LRRTM4: variants seen among roughly 807,000 people sequenced by gnomAD.
The protein encoded by LRRTM4 is leucine rich repeat transmembrane neuronal 4.
A neutral mutation model predicts 47.6 loss-of-function variants in LRRTM4; 25 were observed. That is an observed-to-expected ratio of 0.53 (90% confidence interval 0.38 to 0.73). LRRTM4 has a LOEUF of 0.73. Among genes scored for constraint, LRRTM4 ranks in the 30% least tolerant of loss-of-function variants. LRRTM4 has a pLI of 0.00. For synonymous variants in LRRTM4, 311 were observed against 269.5 expected (o/e 1.15, Z -1.51); for missense variants, 638 against 713.4 (o/e 0.89, Z 1.20).
rs575502384 is a variant in LRRTM4 at position 77,015,658 on chromosome 2, G to C, written c.1552-266742C>G. ...CTTTATAGAAACAACATTGCCACTG[G>C]ATGTATTTTTGAAGTAGGAAATAAA... On this transcript the variant is annotated intron_variant, in intron 3 of 3. Coordinates refer to ENST00000409884, the MANE Select transcript of LRRTM4 (RefSeq NM_001134745.3). 3.7e-5 allele frequency among the ~76,000 whole-genome samples: 5 copies of C among 134,790 alleles called. No homozygotes were observed. In the South Asian group the frequency reaches 8.8e-4, roughly 24 times the overall value. The allele number at this position is 134,790 out of a possible 152,430, so 88.4% of individuals were successfully genotyped here. A position where few individuals can be genotyped will look rare whatever the true frequency, so the allele number is the denominator to read the frequency against.
At chr2:76,891,460 C>G (rs1177887850) in intron 3 of LRRTM4, among the ~76,000 whole-genome samples, 9 of 151,434 alleles carry the variant, frequency 5.9e-5, no homozygotes, top group Non-Finnish European at 1.3e-4. Flanking sequence ...CAGAACTACT[C>G]CTGGATAAGA....
intron 3 of LRRTM4, among the ~76,000 whole-genome samples, chr2:77,161,049 G>C (rs1312997884): frequency 6.6e-6 from 1 of 152,110 alleles, no homozygotes; most frequent in East Asian, 1.9e-4. Flanking sequence ...ACTTCCAGAA[G>C]TTAGATGACC....
intron 3 of LRRTM4, among the ~76,000 whole-genome samples, chr2:77,124,686 A>G (rs936982882): frequency 1.3e-5 from 2 of 152,064 alleles, no homozygotes; most frequent in Non-Finnish European, 2.9e-5. Flanking sequence ...GGGAATAATA[A>G]TATTTTTGAT....
At chr2:76,941,932 G>A (rs17335410) in intron 3 of LRRTM4, among the ~76,000 whole-genome samples, 1 of 152,160 alleles carries the variant, frequency 6.6e-6, no homozygotes, top group East Asian at 1.9e-4. Context: ...CCCACCAACA[G>A]TGTAAAATCA....
intron 3 of LRRTM4, among the ~76,000 whole-genome samples, chr2:76,767,561 A>G (rs140791755): frequency 1.3e-5 from 2 of 152,276 alleles, no homozygotes; most frequent in South Asian, 2.1e-4. Context: ...AAACCACTCT[A>G]TAATATCTAA....
intron 3 of LRRTM4, among the ~76,000 whole-genome samples, chr2:77,031,393 TAAC>T (rs1678651174): frequency 6.6e-6 from 1 of 152,216 alleles, no homozygotes; most frequent in African/African-American, 2.4e-5. Flanking sequence ...TATTTTACTA[TAAC>T]ATCTGAGGTG....
At chr2:77,292,518 T>TA (rs1207003217) in intron 3 of LRRTM4, among the ~76,000 whole-genome samples, 5 of 151,948 alleles carry the variant, frequency 3.3e-5, no homozygotes, top group Non-Finnish European at 7.4e-5. Flanking sequence ...TATGCAGCCA[T>TA]AAAAAATGAT....
At chr2:76,925,397 C>A (rs113839394) in intron 3 of LRRTM4, among the ~76,000 whole-genome samples, 1 of 152,110 alleles carries the variant, frequency 6.6e-6, no homozygotes, top group South Asian at 2.1e-4. Flanking sequence ...ACAGCCTCAG[C>A]TGACCCCTTG....
At chr2:77,467,104 TTTGTTGTTG>T (rs374414572) in intron 3 of LRRTM4, among the ~76,000 whole-genome samples, 2 of 151,936 alleles carry the variant, frequency 1.3e-5, no homozygotes, top group African/African-American at 4.8e-5. Context: ...AACAGGCTGT[TTTGTTGTTG>T]TTGTTGTTGT....
intron 3 of LRRTM4, among the ~76,000 whole-genome samples, chr2:76,789,080 A>G (rs983771055): frequency 1.3e-5 from 2 of 152,072 alleles, no homozygotes; most frequent in Admixed American, 6.5e-5. Flanking sequence ...GATTCTTAGT[A>G]AAAAAAGGAA....
At position 77,449,282 on chromosome 2, in the gene LRRTM4, T is replaced by G. The variant is rs375245306; in HGVS notation, c.1551+69036A>C. The stretch of plus-strand genomic sequence containing the variant: ...TAGCGCAGGTTCATTGGCATAAGCT[T>G]TAGAATGAGAGGATTTTTTCAAAGT... On this transcript the variant is annotated intron_variant, in intron 3 of 3. Transcript: ENST00000409884. 3.3e-5 allele frequency among the ~76,000 whole-genome samples: 5 copies of G among 152,270 alleles called. No individual in the cohort carries two copies. The South Asian group carries it at 8.3e-4, about 25-fold the overall frequency.
intron 3 of LRRTM4, among the ~76,000 whole-genome samples, chr2:77,241,237 CACACACACAT>C (rs752460141): frequency 0.097 from 4,241 of 43,600 alleles, 110 homozygotes; most frequent in Non-Finnish European, 0.13. Flanking sequence ...CACACACACA[CACACACACAT>C]GGGTCTAGAA....
intron 3 of LRRTM4, among the ~76,000 whole-genome samples, chr2:77,428,857 C>T (rs1413499832): frequency 1.3e-5 from 2 of 152,160 alleles, no homozygotes; most frequent in South Asian, 2.1e-4. Flanking sequence ...CTGAATTCAT[C>T]GGTATGTCCC....
chr2:77,091,937 T>C (rs1250109232), intron 3 of LRRTM4, among the ~76,000 whole-genome samples: 1 of 144,614 alleles, frequency 6.9e-6, no homozygotes, highest in Non-Finnish European at 1.5e-5. Flanking sequence ...GTCAGAATTC[T>C]TACACAAGAA....
intron 3 of LRRTM4, among the ~76,000 whole-genome samples, chr2:77,445,841 C>A (rs1156804579): frequency 9.9e-5 from 15 of 151,866 alleles, no homozygotes; most frequent in Admixed American, 9.9e-4. Flanking sequence ...ATAAAAATAC[C>A]ACCTATCTGA....
At chr2:77,463,039 G>A (rs1418759913) in intron 3 of LRRTM4, among the ~76,000 whole-genome samples, 1 of 151,912 alleles carries the variant, frequency 6.6e-6, no homozygotes, top group Non-Finnish European at 1.5e-5. Context: ...GATTATCAGT[G>A]GAAATACATT....
At chr2:77,208,818 G>C (rs774234997) in intron 3 of LRRTM4, among the ~76,000 whole-genome samples, 17 of 152,066 alleles carry the variant, frequency 1.1e-4, no homozygotes, top group Non-Finnish European at 2.1e-4. Flanking sequence ...AGCTGGAACG[G>C]TACTTATATT....
At chr2:77,349,763 T>C (rs1217101298) in intron 3 of LRRTM4, among the ~76,000 whole-genome samples, 1 of 152,100 alleles carries the variant, frequency 6.6e-6, no homozygotes, top group Non-Finnish European at 1.5e-5. Flanking sequence ...TACACACAAA[T>C]AAATTTCCAG....
At chr2:76,759,177 C>T (rs1408752275) in intron 3 of LRRTM4, among the ~76,000 whole-genome samples, 1 of 152,050 alleles carries the variant, frequency 6.6e-6, no homozygotes, top group African/African-American at 2.4e-5. Flanking sequence ...TTATTAAGAA[C>T]TGACAGAATG....
Sources: allele counts gnomAD v4.1 joint callset (sites outside exome capture counted in the v4.1 genomes callset), GRCh38; gene constraint gnomAD v4.1.1; transcripts MANE v1.5; gene names NCBI Gene and HGNC (gene_info 2026-07-23, HGNC 2026-07-21).